The following NXPH1 variants were observed in gnomAD, a reference collection of about 807,000 sequenced individuals.
NXPH1 encodes neurexophilin 1.
Under a neutral mutation model 23.7 loss-of-function variants are expected in NXPH1, and 5 were observed. The ratio of observed to expected loss-of-function variants is 0.21; its 90% CI spans 0.11 to 0.44. The LOEUF (loss-of-function observed/expected upper bound fraction) is 0.44. Ranked by LOEUF, NXPH1 falls within the 20% of genes least tolerant of loss-of-function variation. The pLI is 0.99. For missense variants in NXPH1, 324 were observed against 321.6 expected, an observed-to-expected ratio of 1.01 and a Z score of -0.06; for synonymous variants, 144 against 122.2, an observed-to-expected ratio of 1.18 and a Z score of -1.18.
chr7:8,539,485 TA>T (rs1005548783), intron 2 of NXPH1, among the ~76,000 whole-genome samples: 6 of 151,948 alleles, frequency 3.9e-5, no homozygotes, highest in Non-Finnish European at 5.9e-5. Flanking sequence ...TTTTCGTAAA[TA>T]AGTTATATAT....
At chr7:8,618,725 G>C (rs955050994) in intron 2 of NXPH1, among the ~76,000 whole-genome samples, 1 of 152,174 alleles carries the variant, frequency 6.6e-6, no homozygotes. Context: ...TTCATTTTGA[G>C]AGCCTTCTGA....
At chr7:8,486,286 T>C (rs993050472) in intron 2 of NXPH1, among the ~76,000 whole-genome samples, 4 of 152,170 alleles carry the variant, frequency 2.6e-5, no homozygotes, top group African/African-American at 9.7e-5. Flanking sequence ...GCAGAATATA[T>C]TCTTTAAGGA....
chr7:8,616,712 A>T (rs1266201550), intron 2 of NXPH1, among the ~76,000 whole-genome samples: 3 of 152,044 alleles, frequency 2.0e-5, no homozygotes, highest in Non-Finnish European at 4.4e-5. Flanking sequence ...GTGAACTAAA[A>T]AAAAGTGTGG....
intron 2 of NXPH1, among the ~76,000 whole-genome samples, chr7:8,437,641 T>C (rs1276795910): frequency 6.6e-6 from 1 of 152,236 alleles, no homozygotes; most frequent in African/African-American, 2.4e-5. Context: ...AAATTTTAAA[T>C]GTGTTTGTTG....
At chr7:8,526,957 C>A (rs1817870889) in intron 2 of NXPH1, among the ~76,000 whole-genome samples, 1 of 152,092 alleles carries the variant, frequency 6.6e-6, no homozygotes, top group Admixed American at 6.6e-5. Context: ...CTTTTAATTC[C>A]TGTTCTTGTA....
At chr7:8,491,204 C>T (rs377496940) in intron 2 of NXPH1, among the ~76,000 whole-genome samples, 12 of 151,934 alleles carry the variant, frequency 7.9e-5, no homozygotes, top group African/African-American at 2.9e-4. Flanking sequence ...AATCCACTTG[C>T]TTTGGACATT....
At chr7:8,573,489 GC>G (rs1562407470) in intron 2 of NXPH1, among the ~76,000 whole-genome samples, 2 of 152,220 alleles carry the variant, frequency 1.3e-5, no homozygotes, top group East Asian at 3.9e-4. Flanking sequence ...GCACTATAGG[GC>G]ATAGGTGGGG....
At chr7:8,734,935 G>T (rs1249458014) in intron 2 of NXPH1, among the ~76,000 whole-genome samples, 2 of 152,012 alleles carry the variant, frequency 1.3e-5, no homozygotes, top group Non-Finnish European at 2.9e-5. Flanking sequence ...CTCATGATTT[G>T]GCTCTCTGTC....
chr7:8,720,888 A>G lies in NXPH1; in HGVS notation c.55-30120A>G, dbSNP rs1252283784. On this transcript the variant is annotated intron_variant, in intron 2 of 2. Coordinates refer to ENST00000405863, the MANE Select transcript of NXPH1 (RefSeq NM_152745.3). Reference sequence around the variant, plus strand: ...ACATCAGTACAACCCAAACTGAGGGACATTTTACCGATTAATAGCCTATGC... The same window carrying G: ...ACATCAGTACAACCCAAACTGAGGGGCATTTTACCGATTAATAGCCTATGC... Among the ~76,000 whole-genome samples, 4 of 152,216 alleles carry G rather than the reference A, an allele frequency of 2.6e-5. No individual in the cohort carries two copies. In the East Asian group the frequency reaches 7.7e-4, roughly 29 times the overall value.
intron 2 of NXPH1, among the ~76,000 whole-genome samples, chr7:8,620,833 C>G (rs185994453): frequency 2.0e-4 from 31 of 152,270 alleles, no homozygotes; most frequent in Admixed American, 9.2e-4. Flanking sequence ...CTCATGGGGA[C>G]AAGGACGATT....
chr7:8,530,663 A>G (rs1219274699), intron 2 of NXPH1, among the ~76,000 whole-genome samples: 1 of 152,204 alleles, frequency 6.6e-6, no homozygotes, highest in Non-Finnish European at 1.5e-5. Flanking sequence ...GAGGTGAGTC[A>G]ACAGAGGAGA....
intron 2 of NXPH1, among the ~76,000 whole-genome samples, chr7:8,722,407 T>A (rs184199730): frequency 3.6e-4 from 55 of 152,308 alleles, no homozygotes; most frequent in African/African-American, 1.3e-3. Flanking sequence ...GAAATTCTGT[T>A]ACAATGGTTC....
intron 2 of NXPH1, among the ~76,000 whole-genome samples, chr7:8,485,471 A>G (rs1817143913): frequency 6.6e-6 from 1 of 152,154 alleles, no homozygotes; most frequent in Non-Finnish European, 1.5e-5. Flanking sequence ...GTTCGTGGAT[A>G]TCTCAGAAGT....
chr7:8,706,262 C>G (rs978584442), intron 2 of NXPH1, among the ~76,000 whole-genome samples: 3 of 152,130 alleles, frequency 2.0e-5, no homozygotes, highest in African/African-American at 7.2e-5. Context: ...CCATCATAAA[C>G]TATTTGATTG....
At chr7:8,601,674 T>C (rs1335940057) in intron 2 of NXPH1, among the ~76,000 whole-genome samples, 1 of 152,208 alleles carries the variant, frequency 6.6e-6, no homozygotes, top group Non-Finnish European at 1.5e-5. Context: ...ATAGATCATG[T>C]CAGGACCCAA....
intron 2 of NXPH1, among the ~76,000 whole-genome samples, chr7:8,707,800 T>C (rs1779727173): frequency 6.6e-6 from 1 of 152,170 alleles, no homozygotes; most frequent in African/African-American, 2.4e-5. Context: ...AGGCCTCTTT[T>C]AACTTTGTAA....
intron 2 of NXPH1, among the ~76,000 whole-genome samples, chr7:8,625,432 A>G (rs761057177): frequency 1.3e-5 from 2 of 152,170 alleles, no homozygotes; most frequent in Non-Finnish European, 2.9e-5. Context: ...ATATGCAGAA[A>G]GGGATTGTGC....
intron 2 of NXPH1, among the ~76,000 whole-genome samples, chr7:8,589,837 TAACCACCATCTAAC>T (rs1277348221): frequency 6.6e-6 from 1 of 151,926 alleles, no homozygotes; most frequent in Non-Finnish European, 1.5e-5. Context: ...CACCATCCAA[TAACCACCATCTAAC>T]AGCCACCATC....
intron 2 of NXPH1, among the ~76,000 whole-genome samples, chr7:8,684,156 G>A (rs775552226): frequency 3.3e-5 from 5 of 152,188 alleles, no homozygotes; most frequent in Non-Finnish European, 5.9e-5. Flanking sequence ...ATGAGTGACA[G>A]TGAGGCTCAT....
Sources: gnomAD v4.1 joint callset for allele counts (sites outside exome capture counted in the v4.1 genomes callset) on GRCh38, gnomAD v4.1.1 for gene constraint, MANE v1.5 for transcripts, NCBI Gene and HGNC (gene_info 2026-07-23, HGNC 2026-07-21) for gene names.